The following GNA14 variants were observed in gnomAD, a reference collection of about 807,000 sequenced individuals.
GNA14 encodes guanine nucleotide-binding protein subunit alpha-14.
GNA14 carries 50 observed loss-of-function variants against 42.0 expected under a neutral mutation model. That is an observed-to-expected ratio of 1.19 (90% CI 0.95 to 1.51). GNA14 has a LOEUF of 1.51. Ranked by LOEUF, GNA14 falls within the 40% of genes most tolerant of loss-of-function variation. The probability of loss-of-function intolerance (pLI) is 0.00; values close to 1 mark genes in which losing one functional copy is unlikely to be tolerated. For missense variants in GNA14, 473 were observed against 446.2 expected, an observed-to-expected ratio of 1.06 and a Z score of -0.54; for synonymous variants, 173 against 163.1, an observed-to-expected ratio of 1.06 and a Z score of -0.46.
intron 1 of GNA14, among the ~76,000 whole-genome samples, chr9:77,633,095 C>T (rs1465014893): frequency 2.0e-5 from 3 of 152,170 alleles, no homozygotes; most frequent in African/African-American, 7.2e-5. Context: ...ACAATAGTCT[C>T]TACACTCATA....
At chr9:77,483,118 A>AG (rs1343988030) in intron 2 of GNA14, among the ~76,000 whole-genome samples, 1 of 152,094 alleles carries the variant, frequency 6.6e-6, no homozygotes, top group Non-Finnish European at 1.5e-5. Context: ...CCTTTGGAGG[A>AG]GGAGAGGTGC....
intron 3 of GNA14, chr9:77,431,758 G>A (rs1053376723): frequency 7.9e-5 from 20 of 253,522 alleles, no homozygotes; most frequent in Non-Finnish European, 1.5e-5. Flanking sequence ...GGGGCTGGAA[G>A]GACCAGGATG....
At chr9:77,638,665 C>T (rs1319342539) in intron 1 of GNA14, among the ~76,000 whole-genome samples, 1 of 152,180 alleles carries the variant, frequency 6.6e-6, no homozygotes, top group Admixed American at 6.5e-5. Context: ...AAGCATTTGG[C>T]ATTTATTCCA....
intron 2 of GNA14, among the ~76,000 whole-genome samples, chr9:77,465,746 C>T (rs1245013432): frequency 6.6e-6 from 1 of 152,080 alleles, no homozygotes; most frequent in Admixed American, 6.5e-5. Context: ...GGTGGGAACA[C>T]GGGTGCATGC....
intron 1 of GNA14, among the ~76,000 whole-genome samples, chr9:77,593,714 A>T (rs1823423255): frequency 6.6e-6 from 1 of 152,206 alleles, no homozygotes; most frequent in East Asian, 1.9e-4. Flanking sequence ...CTAAGCTCTG[A>T]TCAGGGCTGT....
At chr9:77,619,858 T>G (rs1490092888) in intron 1 of GNA14, among the ~76,000 whole-genome samples, 1 of 152,202 alleles carries the variant, frequency 6.6e-6, no homozygotes, top group Admixed American at 6.5e-5. Flanking sequence ...TGCTACTAGA[T>G]AATTCTGCAA....
intron 2 of GNA14, among the ~76,000 whole-genome samples, chr9:77,516,809 T>G (rs1047095648): frequency 6.6e-6 from 1 of 152,184 alleles, no homozygotes; most frequent in African/African-American, 2.4e-5. Flanking sequence ...AGTTACACCT[T>G]TGTGGACAGT....
rs1278469748 is a variant in GNA14 at position 77,629,558 on chromosome 9, G to T, written c.124+18112C>A. On this transcript the variant is annotated intron_variant, in intron 1 of 6. Transcript: ENST00000341700. ...TGGAATACTATGTAGCCATAAAAAG[G>T]ATCAGTTTATGTCCTTTGCAGGGAC... 6.6e-5 allele frequency among the ~76,000 whole-genome samples: 10 copies of T among 152,254 alleles called. No individual in the cohort carries two copies. In the South Asian group the frequency reaches 1.5e-3, roughly 22 times the overall value.
chr9:77,431,329 G>C lies in GNA14; in HGVS notation c.585C>G (p.Ile195Met), dbSNP rs765610407. Residue 195 changes from isoleucine (I) to methionine (M), a missense_variant, in exon 4 of 7, where the codon ATC becomes ATG. Transcript: ENST00000341700. Reference protein sequence around the residue: ...IIEYPFDLENIIFRMVDVGGQ... With the variant: ...IIEYPFDLENMIFRMVDVGGQ... ...CAGGGAGACAGACTTACCGAAAGAT[G>C]ATGTTTTCCAAGTCAAATGGATACT... 1.6e-5 allele frequency: 26 copies of C among 1,613,556 alleles called. No individual in the cohort carries two copies. The South Asian group carries it at 2.6e-4, about 16-fold the overall frequency.
chr9:77,526,074 G>A (rs926974565), intron 2 of GNA14, among the ~76,000 whole-genome samples: 1 of 130,652 alleles, frequency 7.7e-6, no homozygotes, highest in Non-Finnish European at 1.6e-5. Context: ...GCTAATTTTT[G>A]TATTTTTTTT....
intron 2 of GNA14, among the ~76,000 whole-genome samples, chr9:77,499,902 C>G (rs2131742356): frequency 6.6e-6 from 1 of 152,058 alleles, no homozygotes; most frequent in Middle Eastern, 3.4e-3. Context: ...AATGAATACC[C>G]TGAAATATGA....
At chr9:77,599,504 T>G (rs1359987808) in intron 1 of GNA14, among the ~76,000 whole-genome samples, 1 of 152,202 alleles carries the variant, frequency 6.6e-6, no homozygotes, top group East Asian at 1.9e-4. Flanking sequence ...GCAGTAACCT[T>G]TTTCCAGTTC....
At chr9:77,512,169 A>G (rs1837181820) in intron 2 of GNA14, among the ~76,000 whole-genome samples, 1 of 152,052 alleles carries the variant, frequency 6.6e-6, no homozygotes, top group Non-Finnish European at 1.5e-5. Flanking sequence ...GTACACAAAA[A>G]TATTTCCAGA....
chr9:77,510,296 C>T (rs1233949318), intron 2 of GNA14, among the ~76,000 whole-genome samples: 2 of 152,146 alleles, frequency 1.3e-5, no homozygotes, highest in South Asian at 4.1e-4. Context: ...CTTGTGTCAG[C>T]GCTTATTATT....
chr9:77,535,227 C>G (rs1837579457), intron 1 of GNA14, among the ~76,000 whole-genome samples: 1 of 152,128 alleles, frequency 6.6e-6, no homozygotes, highest in Non-Finnish European at 1.5e-5. Flanking sequence ...GTACTGCAAC[C>G]CTGGGGCTTG....
At chr9:77,558,950 A>G (rs1487735315) in intron 1 of GNA14, among the ~76,000 whole-genome samples, 2 of 151,988 alleles carry the variant, frequency 1.3e-5, no homozygotes, top group Non-Finnish European at 2.9e-5. Context: ...ACAAAAAACA[A>G]ACAAACAAAA....
intron 1 of GNA14, among the ~76,000 whole-genome samples, chr9:77,585,038 A>G (rs1196940389): frequency 6.6e-6 from 1 of 152,074 alleles, no homozygotes; most frequent in Non-Finnish European, 1.5e-5. Flanking sequence ...CCAATCTCCT[A>G]TCTCATTCTG....
chr9:77,464,878 A>T (rs1345707760), intron 2 of GNA14, among the ~76,000 whole-genome samples: 1 of 152,122 alleles, frequency 6.6e-6, no homozygotes, highest in African/African-American at 2.4e-5. Flanking sequence ...AAGAAGAGGG[A>T]AACTTGGACA....
intron 1 of GNA14, among the ~76,000 whole-genome samples, chr9:77,614,890 G>A (rs572881583): frequency 4.1e-4 from 63 of 152,292 alleles, no homozygotes; most frequent in Non-Finnish European, 8.1e-4. Context: ...CGTCAGGGGT[G>A]GTAGATTGCA....
Sources: gnomAD v4.1 joint callset for allele counts (sites outside exome capture counted in the v4.1 genomes callset) on GRCh38, gnomAD v4.1.1 for gene constraint, MANE v1.5 for transcripts, NCBI Gene and HGNC (gene_info 2026-07-23, HGNC 2026-07-21) for gene names.